The following STAG2 variants were observed in gnomAD, a reference collection of about 807,000 sequenced individuals.
STAG2 encodes the protein cohesin subunit SA-2.
STAG2 carries 14 observed loss-of-function variants against 108.1 expected under a neutral mutation model. That is an observed-to-expected ratio of 0.13 (90% CI 0.09 to 0.20). STAG2 has a LOEUF of 0.20. Among genes scored for constraint, STAG2 ranks in the 10% least tolerant of loss-of-function variants. STAG2 has a pLI of 1.00. For missense variants in STAG2, 440 were observed against 940.9 expected, an observed-to-expected ratio of 0.47 and a Z score of 6.96; for synonymous variants, 307 against 302.7, an observed-to-expected ratio of 1.01 and a Z score of -0.15.
At chrX:123,998,071 A>G (rs960730909) in intron 1 of STAG2, among the ~76,000 whole-genome samples, 13 of 111,356 alleles carry the variant, frequency 1.2e-4, no homozygotes, top group Non-Finnish European at 3.8e-5. Flanking sequence ...CGCTATGAAC[A>G]TGGGTACATA....
At chrX:124,060,341 G>A (rs1009031524) in intron 15 of STAG2, among the ~76,000 whole-genome samples, 45 of 111,729 alleles carry the variant, frequency 4.0e-4, no homozygotes, top group African/African-American at 1.4e-3. Context: ...GGCCAGGCTG[G>A]TCTCGAACTC....
intron 3 of STAG2, among the ~76,000 whole-genome samples, chrX:124,024,450 T>C (rs975715202): frequency 8.1e-5 from 9 of 110,732 alleles, no homozygotes; most frequent in Non-Finnish European, 1.1e-4. Context: ...GTAACACACA[T>C]GAGCTTCAGG....
At chrX:123,977,031 T>C (rs1235022854) in intron 1 of STAG2, among the ~76,000 whole-genome samples, 1 of 112,129 alleles carries the variant, frequency 8.9e-6, no homozygotes, top group Non-Finnish European at 1.9e-5. Flanking sequence ...GGAAAGCTTA[T>C]TTTCAGCTGA....
At chrX:124,013,371 C>G (rs1375719941) in intron 1 of STAG2, among the ~76,000 whole-genome samples, 1 of 110,555 alleles carries the variant, frequency 9.0e-6, no homozygotes, top group African/African-American at 3.3e-5. Context: ...AGAAAGCTAA[C>G]TGTAGAATGT....
At chrX:124,004,604 G>T (rs771569030) in intron 1 of STAG2, among the ~76,000 whole-genome samples, 9 of 111,104 alleles carry the variant, frequency 8.1e-5, no homozygotes, top group African/African-American at 3.0e-4. Context: ...TTCATTCATT[G>T]ATAGATACTT....
intron 1 of STAG2, among the ~76,000 whole-genome samples, chrX:123,971,656 G>A (rs1332750990): frequency 9.0e-6 from 1 of 111,222 alleles, no homozygotes; most frequent in Non-Finnish European, 1.9e-5. Flanking sequence ...TTGTCTTAAT[G>A]TTGAAAAGCA....
chrX:124,035,357 C>G (rs1183484530), intron 5 of STAG2, among the ~76,000 whole-genome samples: 1 of 111,822 alleles, frequency 8.9e-6, no homozygotes, highest in African/African-American at 3.2e-5. Flanking sequence ...GTAAACTCTA[C>G]TTGATCTTAA....
chrX:124,087,737 G>A (rs1161759028), intron 30 of STAG2, among the ~76,000 whole-genome samples: 1 of 112,404 alleles, frequency 8.9e-6, no homozygotes, highest in Non-Finnish European at 1.9e-5. Flanking sequence ...CTAGGGGAGA[G>A]GACATAATTC....
chrX:124,057,100 A>C (rs1417721213), intron 14 of STAG2, among the ~76,000 whole-genome samples: 1 of 111,644 alleles, frequency 9.0e-6, no homozygotes, highest in African/African-American at 3.2e-5. Context: ...AGGTTCTTCA[A>C]GTATTTAATA....
At chrX:123,996,350 G>A (rs2055735080) in intron 1 of STAG2, among the ~76,000 whole-genome samples, 1 of 112,127 alleles carries the variant, frequency 8.9e-6, no homozygotes, top group African/African-American at 3.2e-5. Flanking sequence ...AAGCATTTGA[G>A]TATGGGCAGG....
intron 4 of STAG2, among the ~76,000 whole-genome samples, chrX:124,026,128 A>AAATAATAATAATAATAAT (rs57097416): frequency 5.6e-5 from 5 of 88,946 alleles, no homozygotes; most frequent in Admixed American, 1.4e-4. Context: ...GTAAAGTTGC[A>AAATAATAATAATAATAAT]AATAATAATA....
chrX:124,085,689 C>T (rs1017084273), intron 29 of STAG2, among the ~76,000 whole-genome samples: 2 of 102,557 alleles, frequency 2.0e-5, no homozygotes, highest in South Asian at 9.1e-4. Flanking sequence ...GCAGGAGAAT[C>T]GCTTGAACCT....
At chrX:124,063,817 A>G in intron 19 of STAG2, 31 bp from the exon 20 acceptor site, 2 of 1,169,743 alleles carry the variant, frequency 1.7e-6, no homozygotes, top group Non-Finnish European at 2.3e-6. Context: ...TATATGCCTT[A>G]GTTTTGATGA....
intron 5 of STAG2, among the ~76,000 whole-genome samples, chrX:124,032,311 G>A (rs1290650323): frequency 2.7e-5 from 3 of 111,428 alleles, no homozygotes; most frequent in Admixed American, 1.9e-4. Context: ...TATTCATGTC[G>A]AATCATTCGA....
At chrX:124,030,344 C>T (rs2057292155) in intron 4 of STAG2, among the ~76,000 whole-genome samples, 1 of 111,886 alleles carries the variant, frequency 8.9e-6, no homozygotes, top group African/African-American at 3.2e-5. Context: ...CAGTGTTTTT[C>T]AAACTTTGTT....
intron 1 of STAG2, among the ~76,000 whole-genome samples, chrX:123,990,317 T>G (rs1175070830): frequency 8.9e-6 from 1 of 111,812 alleles, no homozygotes; most frequent in African/African-American, 3.3e-5. Flanking sequence ...AAAGTTACGC[T>G]CCTATGCAAA....
At chrX:123,977,150 A>G (rs1199408432) in intron 1 of STAG2, among the ~76,000 whole-genome samples, 1 of 111,682 alleles carries the variant, frequency 9.0e-6, no homozygotes, top group African/African-American at 3.3e-5. Flanking sequence ...AGTTTCTTAC[A>G]CTGTAGTGAT....
chrX:124,051,779 A>G (rs1176557841), intron 13 of STAG2, among the ~76,000 whole-genome samples: 2 of 110,040 alleles, frequency 1.8e-5, no homozygotes, highest in Non-Finnish European at 3.8e-5. Context: ...TTTAGTAGAG[A>G]CGGGGTTTCA....
At chrX:124,097,622 G>C (rs1269067215) in intron 34 of STAG2, 1 of 289,175 alleles carries the variant, frequency 3.5e-6, no homozygotes, top group Non-Finnish European at 7.0e-6. Context: ...TAGTAGCTGA[G>C]AGTTTGGGTG....
Sources: gnomAD v4.1 joint callset for allele counts (sites outside exome capture counted in the v4.1 genomes callset) on GRCh38, gnomAD v4.1.1 for gene constraint, MANE v1.5 for transcripts, NCBI Gene and HGNC (gene_info 2026-07-23, HGNC 2026-07-21) for gene names.